Variants in F8 observed in about 807,000 individuals in gnomAD.
F8 encodes coagulation factor VIII, also known as antihemophilic factor.
In F8, 12 loss-of-function variants were observed where a neutral mutation model predicts 140.6. The ratio of observed to expected loss-of-function variants is 0.09; its 90% CI spans 0.05 to 0.14. F8 has a LOEUF of 0.14. F8 is among the 10% of genes least tolerant of loss of function. F8 has a pLI of 1.00. For missense variants in F8, 1,354 were observed against 1,720.7 expected (o/e 0.79, Z 3.77); for synonymous variants, 585 against 614.6 (o/e 0.95, Z 0.71).
rs782176982 is a variant in F8 at position 154,930,888 on chromosome X, C to T, written c.2902G>A (p.Glu968Lys). 8.3e-7 allele frequency: 1 copy of T among 1,202,366 alleles called. No individual in the cohort carries two copies. The highest frequency in any genetic ancestry group is 1.8e-5 in the African/African-American group (1 of 56,862). The change falls in exon 14 of 26, where the codon GAA (glutamate) becomes AAA (lysine). Residue 968 changes from glutamate (E) to lysine (K), a missense_variant. Coordinates refer to ENST00000360256, the MANE Select transcript of F8 (RefSeq NM_000132.4). Reference protein sequence around the residue: ...SEENNDSKLLESGLMNSQESS... With the variant: ...SEENNDSKLLKSGLMNSQESS... ...TCTTGGCTATTCATTAAACCTGATT[C>T]TAACAACTTTGAATCATTATTTTCT...
intron 14 of F8, among the ~76,000 whole-genome samples, chrX:154,921,849 T>A (rs182222286): frequency 0.04 from 3,755 of 94,676 alleles, 91 homozygotes; most frequent in Non-Finnish European, 0.059. Flanking sequence ...TGGACACAGG[T>A]AGGGGAACAT....
rs782492992 is a variant in F8 at position 154,928,700 on chromosome X, T to C, written c.5090A>G (p.Asp1697Gly). ...ISVEMKKEDF[D>G]IYDEDENQSP... ...CTGATTTTCATCCTCATCATAAATG[T>C]CAAAATCTTCCTTCTTCATTTCAAC... Residue 1697 changes from aspartate to glycine, a missense_variant, in exon 14 of 26, where the codon GAC becomes GGC. By Grantham distance (94) the Asp-to-Gly change is moderately conservative. Around this residue, in one of 4 missense-constraint regions of F8, gnomAD observed 658 missense variants for 666.5 expected, o/e 0.99. Transcript: ENST00000360256. 8.3e-7 allele frequency: 1 copy of C among 1,209,931 alleles called. No individual in the cohort carries two copies.
At chrX:154,973,600 C>T (rs782632257) in intron 6 of F8, among the ~76,000 whole-genome samples, 13 of 111,676 alleles carry the variant, frequency 1.2e-4, no homozygotes, top group African/African-American at 2.6e-4. Context: ...CTATTGTAAA[C>T]GTGATTGCTT....
At chrX:154,861,579 C>T in intron 24 of F8, 139 bp downstream of exon 24, 1 of 738,797 alleles carries the variant, frequency 1.4e-6, no homozygotes, top group Non-Finnish European at 2.1e-6. Context: ...GTTGTCTGCC[C>T]ATAACCAAAC....
intron 7 of F8, among the ~76,000 whole-genome samples, chrX:154,968,886 T>C (rs1164611916): frequency 2.7e-5 from 3 of 110,028 alleles, no homozygotes; most frequent in Non-Finnish European, 5.7e-5. Context: ...AATGATATAG[T>C]GGAGCCCTTA....
chrX:154,984,961 G>A (rs1255416088), intron 5 of F8, among the ~76,000 whole-genome samples, 158 bp from the exon 6 acceptor site: 8 of 111,337 alleles, frequency 7.2e-5, no homozygotes, highest in Non-Finnish European at 1.3e-4. Flanking sequence ...TCAGTGTGAG[G>A]GAGGGAGAAG....
rs1337995499 is a variant in F8, at chrX:154,940,846, GT to G, written c.2113+6851del. On this transcript the variant is annotated intron_variant, in intron 13 of 25. Coordinates refer to ENST00000360256, the MANE Select transcript of F8 (RefSeq NM_000132.4). ...CAGAAACTCTACAAGCCAGAAGAGA[GT>G]GGGGGCCAACATTCAACATTCTTAA... is the stretch of plus-strand genomic sequence containing the variant. 2.1e-4 allele frequency among the ~76,000 whole-genome samples: 24 copies of G among 112,296 alleles called. 1 individual carries two copies. The Admixed American group carries it at 2.3e-3, about 11-fold the overall frequency.
chrX:154,957,238 T>C (rs2073369924), intron 10 of F8, 67 bp from the exon 11 acceptor site: 1 of 886,237 alleles, frequency 1.1e-6, no homozygotes, highest in Non-Finnish European at 1.6e-6. Flanking sequence ...ATAATCATGT[T>C]GTTGTTGCAA....
intron 12 of F8, among the ~76,000 whole-genome samples, chrX:154,952,827 C>T (rs2073344899): frequency 8.9e-6 from 1 of 112,109 alleles, no homozygotes; most frequent in Admixed American, 9.4e-5. Context: ...CAGGCGTGAG[C>T]CACTGTGCCC....
intron 4 of F8, 25 bp downstream of exon 4, chrX:154,992,911 C>T: frequency 8.6e-7 from 1 of 1,168,700 alleles, no homozygotes; most frequent in East Asian, 3.0e-5. Flanking sequence ...TATTTCATCT[C>T]AATCCTACGC....
At chrX:154,843,303 C>T (rs1380058188) in intron 25 of F8, among the ~76,000 whole-genome samples, 8 of 111,680 alleles carry the variant, frequency 7.2e-5, no homozygotes, top group African/African-American at 1.3e-4. Flanking sequence ...CCTTTGGGTA[C>T]ATACCCAGTA....
chrX:154,958,948 C>G (rs1557281423), intron 10 of F8, among the ~76,000 whole-genome samples: 1 of 111,848 alleles, frequency 8.9e-6, no homozygotes, highest in Non-Finnish European at 1.9e-5. Flanking sequence ...GTCTGCCCAT[C>G]ATGTGATACT....
intron 6 of F8, among the ~76,000 whole-genome samples, chrX:154,981,952 A>G (rs935684611): frequency 8.0e-5 from 9 of 111,849 alleles, no homozygotes; most frequent in Non-Finnish European, 9.4e-5. Flanking sequence ...TTGGGAGGCC[A>G]AGGCGGGCAG....
rs782039581 is a variant in F8, at chrX:154,866,227, C to T, written c.6430-3000G>A. ...ATTATAAATATATATGTACCCAACA[C>T]GAAAGTACCTAAATATATAAAGCAA... On this transcript the variant is annotated intron_variant, in intron 22 of 25. Coordinates refer to ENST00000360256, the MANE Select transcript of F8 (RefSeq NM_000132.4). Among the ~76,000 whole-genome samples the T allele has an allele frequency of 1.4e-4, 16 of 111,554 alleles. No homozygotes were observed. In the South Asian group the frequency reaches 1.5e-3, roughly 10 times the overall value.
chrX:154,863,935 G>A (rs1446682815), intron 22 of F8, among the ~76,000 whole-genome samples: 1 of 111,270 alleles, frequency 9.0e-6, no homozygotes, highest in Non-Finnish European at 1.9e-5. Flanking sequence ...CCAGTAACAG[G>A]GCTCCCAACT....
At chrX:154,934,439 ACAGT>A (rs1353156963) in intron 13 of F8, among the ~76,000 whole-genome samples, 2 of 111,780 alleles carry the variant, frequency 1.8e-5, no homozygotes, top group Non-Finnish European at 3.8e-5. Context: ...GATATGAAAA[ACAGT>A]CAGTCATTCA....
At chrX:154,908,184 T>C (rs1192914328) in intron 14 of F8, among the ~76,000 whole-genome samples, 1 of 112,253 alleles carries the variant, frequency 8.9e-6, no homozygotes, top group Non-Finnish European at 1.9e-5. Flanking sequence ...TCTATATAGA[T>C]ACCAACATTT....
At chrX:154,968,639 T>C (rs1166376380) in intron 7 of F8, among the ~76,000 whole-genome samples, 1 of 111,837 alleles carries the variant, frequency 8.9e-6, no homozygotes, top group Non-Finnish European at 1.9e-5. Flanking sequence ...AAAACTGTAG[T>C]TACCATCGTC....
At chrX:154,843,257 G>C (rs782034856) in intron 25 of F8, among the ~76,000 whole-genome samples, 1 of 111,450 alleles carries the variant, frequency 9.0e-6, no homozygotes, top group African/African-American at 3.3e-5. Flanking sequence ...ATAAACATAC[G>C]TGTGCATGTG....
Sources: gnomAD v4.1 joint callset for allele counts (sites outside exome capture counted in the v4.1 genomes callset) on GRCh38, gnomAD v4.1.1 for gene constraint, gnomAD v4.1.1 regional missense constraint, MANE v1.5 for transcripts, NCBI Gene and HGNC (gene_info 2026-07-23, HGNC 2026-07-21) for gene names.